SPNS3: variants seen among roughly 807,000 people sequenced by gnomAD.
SPNS3 encodes SPNS lysolipid transporter 3, sphingosine-1-phosphate (putative).
In SPNS3, 51 loss-of-function variants were observed where a neutral mutation model predicts 54.4. The ratio of observed to expected loss-of-function variants is 0.94; its 90% CI spans 0.75 to 1.18. SPNS3 has a LOEUF of 1.18. Among genes scored for constraint, SPNS3 ranks in the 50% most tolerant of loss-of-function variants. The pLI is 0.00. For synonymous variants in SPNS3, 309 were observed against 294.7 expected (o/e 1.05, Z -0.50); for missense variants, 669 against 677.4 (o/e 0.99, Z 0.14).
At chr17:4,460,286 A>G (rs531156785) in intron 8 of SPNS3, among the ~76,000 whole-genome samples, 2 of 152,306 alleles carry the variant, frequency 1.3e-5, no homozygotes, top group South Asian at 2.1e-4. Context: ...TTCCGCATCT[A>G]TTGAAATTAT....
chr17:4,465,042 T>C (rs1266199528), intron 8 of SPNS3, among the ~76,000 whole-genome samples: 1 of 152,186 alleles, frequency 6.6e-6, no homozygotes, highest in African/African-American at 2.4e-5. Context: ...AACAAGAACA[T>C]TTATTTTGCT....
Position 4,483,259 on chromosome 17 carries a change from C to T in SPNS3, c.1180-2969C>T, listed in dbSNP as rs577069146. 1.1e-4 allele frequency among the ~76,000 whole-genome samples: 16 copies of T among 152,284 alleles called. No individual in the cohort carries two copies. The highest frequency in any genetic ancestry group is 4.1e-4 in the South Asian group (2 of 4,828). On this transcript the variant is annotated intron_variant, in intron 9 of 11. Transcript: ENST00000355530. The surrounding 1 kb of genome is among the most constrained non-coding windows in gnomAD (Gnocchi z 4.2). ...GTTTCGCCCTCGGCTATAAAGGGAA[C>T]GGCCCTTCTAAGAAGGGAGAGCCAG...
chr17:4,437,779 C>G (rs1476811256), intron 1 of SPNS3, among the ~76,000 whole-genome samples: 1 of 142,990 alleles, frequency 7.0e-6, no homozygotes, highest in African/African-American at 2.6e-5. Flanking sequence ...AATGTCTAAA[C>G]AAAGATTTCT....
At chr17:4,482,799 C>G (rs1407681073) in intron 9 of SPNS3, among the ~76,000 whole-genome samples, 1 of 152,204 alleles carries the variant, frequency 6.6e-6, no homozygotes, top group Non-Finnish European at 1.5e-5. Context: ...TGTCCCCGCC[C>G]CACTCAGGAT....
intron 8 of SPNS3, among the ~76,000 whole-genome samples, chr17:4,455,917 TGGGG>T (rs10531598): frequency 1.3e-5 from 2 of 150,860 alleles, no homozygotes; most frequent in South Asian, 2.1e-4. Context: ...CTGCCCTCTG[TGGGG>T]GGGGGGTGAG....
At chr17:4,454,037 A>T (rs1423008066) in intron 8 of SPNS3, among the ~76,000 whole-genome samples, 2 of 151,968 alleles carry the variant, frequency 1.3e-5, no homozygotes, top group Non-Finnish European at 2.9e-5. Context: ...TCTTTTGTGC[A>T]TCCTGAAATC....
chr17:4,458,993 C>CT (rs1567564278), intron 8 of SPNS3, among the ~76,000 whole-genome samples: 1 of 152,154 alleles, frequency 6.6e-6, no homozygotes, highest in Non-Finnish European at 1.5e-5. Flanking sequence ...CGCAGGTCCC[C>CT]TCTTGATTCC....
At chr17:4,484,312 ATTATTATTATT>A (rs1972251897) in intron 9 of SPNS3, among the ~76,000 whole-genome samples, 1 of 152,162 alleles carries the variant, frequency 6.6e-6, no homozygotes, top group East Asian at 1.9e-4. Flanking sequence ...AATGTTGGCA[ATTATTATTATT>A]TTATTATTAT....
intron 2 of SPNS3, among the ~76,000 whole-genome samples, chr17:4,440,333 C>T (rs745423314): frequency 6.6e-6 from 1 of 152,208 alleles, no homozygotes. Flanking sequence ...CCCACATGTG[C>T]ACACACATGG....
intron 8 of SPNS3, among the ~76,000 whole-genome samples, chr17:4,462,760 TCCATCCATCCATCCATCCATCC>T (rs1971563395): frequency 1.4e-5 from 1 of 69,878 alleles, no homozygotes; most frequent in Admixed American, 1.6e-4. Context: ...CACCAATCCA[TCCATCCATCCATCCATCCATCC>T]ATCCATCCAT....
At position 4,439,653 on chromosome 17, in the gene SPNS3, T is replaced by G; in HGVS notation, c.200-5T>G. On this transcript the variant is annotated splice_polypyrimidine_tract_variant and splice_region_variant and intron_variant, in intron 1 of 11. Coordinates refer to ENST00000355530, the MANE Select transcript of SPNS3 (RefSeq NM_182538.5). ...GTTTCCTGAGCACTGTCCCTCTGTC[T>G]GCAGGAGTGCTGCTGGATATACAGG... The G allele has an allele frequency of 6.2e-7, 1 of 1,612,542 alleles. No individual in the cohort carries two copies. The highest frequency in any genetic ancestry group is 1.7e-5 in the Admixed American group (1 of 59,806).
intron 9 of SPNS3, among the ~76,000 whole-genome samples, chr17:4,478,845 G>A (rs1487956795): frequency 6.6e-6 from 1 of 152,174 alleles, no homozygotes; most frequent in East Asian, 1.9e-4. Context: ...AACAAATGGA[G>A]GTTCAGAGAA....
At chr17:4,450,836 G>A (rs1306870451) in intron 7 of SPNS3, among the ~76,000 whole-genome samples, 1 of 146,690 alleles carries the variant, frequency 6.8e-6, no homozygotes, top group African/African-American at 2.5e-5. Flanking sequence ...TCGGACTCCT[G>A]ACCTCGAATG....
chr17:4,442,361 C>T (rs568659995), intron 2 of SPNS3, among the ~76,000 whole-genome samples: 13 of 152,052 alleles, frequency 8.5e-5, no homozygotes, highest in African/African-American at 2.9e-4. Flanking sequence ...GGTGAAACCT[C>T]GTCTCTACTA....
intron 7 of SPNS3, among the ~76,000 whole-genome samples, chr17:4,450,329 C>A (rs540065560): frequency 7.6e-6 from 1 of 132,204 alleles, no homozygotes; most frequent in African/African-American, 3.0e-5. Flanking sequence ...TTCTCCCTCC[C>A]TCCCTCTCCC....
chr17:4,437,329 C>T (rs1365246877), intron 1 of SPNS3, among the ~76,000 whole-genome samples: 2 of 152,098 alleles, frequency 1.3e-5, no homozygotes, highest in Non-Finnish European at 2.9e-5. Flanking sequence ...GGAGCATTTT[C>T]GTTTAGCTAT....
intron 8 of SPNS3, among the ~76,000 whole-genome samples, chr17:4,462,825 C>G: frequency 6.8e-6 from 1 of 148,016 alleles, no homozygotes; most frequent in African/African-American, 2.5e-5. Context: ...ATCCATCCAT[C>G]CATCCATCCA....
chr17:4,443,217 C>T (rs1224614203), intron 2 of SPNS3, among the ~76,000 whole-genome samples: 1 of 152,006 alleles, frequency 6.6e-6, no homozygotes, highest in Non-Finnish European at 1.5e-5. Context: ...ATTACAGGCG[C>T]CCGCCACCAT....
intron 3 of SPNS3, 124 bp from the exon 4 acceptor site, chr17:4,445,924 T>G: frequency 8.7e-7 from 1 of 1,149,138 alleles, no homozygotes; most frequent in Non-Finnish European, 1.2e-6. Context: ...GTAGCCCCGA[T>G]CCCCTCTCCC....
Sources: gnomAD v4.1 joint callset for allele counts (sites outside exome capture counted in the v4.1 genomes callset) on GRCh38, gnomAD v4.1.1 for gene constraint, Gnocchi (gnomAD v3.1) non-coding constraint, MANE v1.5 for transcripts, NCBI Gene and HGNC (gene_info 2026-07-23, HGNC 2026-07-21) for gene names.